Variants in PKLR observed in about 807,000 individuals in gnomAD.
PKLR encodes the protein pyruvate kinase L/R.
In PKLR, 38 loss-of-function variants were observed where a neutral mutation model predicts 53.6. The ratio of observed to expected loss-of-function variants is 0.71; its 90% CI spans 0.55 to 0.93. PKLR has a LOEUF of 0.93. Among genes scored for constraint, PKLR ranks in the 40% least tolerant of loss-of-function variants. The probability of loss-of-function intolerance (pLI) is 0.00; values close to 1 mark genes in which losing one functional copy is unlikely to be tolerated. For missense variants in PKLR, 702 were observed against 787.3 expected, an observed-to-expected ratio of 0.89 and a Z score of 1.30; for synonymous variants, 328 against 316.2, an observed-to-expected ratio of 1.04 and a Z score of -0.39.
At chr1:155,294,855 GTCC>G in intron 5 of PKLR, 103 bp from the exon 6 acceptor site, 1 of 1,401,562 alleles carries the variant, frequency 7.1e-7, no homozygotes, top group South Asian at 1.2e-5. Flanking sequence ...CAGGAACCAT[GTCC>G]TCCTCATCTC....
chr1:155,299,002 CTTTCTTT>C (rs1647791798), intron 2 of PKLR, among the ~76,000 whole-genome samples: 1 of 100,868 alleles, frequency 9.9e-6, no homozygotes, highest in East Asian at 5.1e-4. Context: ...TTCTTTCTTT[CTTTCTTT>C]CTTTCTTTCT....
rs1647479362 is a variant in PKLR at position 155,295,050 on chromosome 1, G to C, written c.694+66C>G. 1.3e-6 allele frequency: 2 copies of C among 1,546,330 alleles called. No individual in the cohort carries two copies. The highest frequency in any genetic ancestry group is 1.8e-6 in the Non-Finnish European group (2 of 1,127,934). ...GTGTGATCGGTCTGAGGGCTGATGGGGGAGCCAAGGAGAAGGGAATGTGCC... is the reference window on the plus strand; with the variant it reads ...GTGTGATCGGTCTGAGGGCTGATGGCGGAGCCAAGGAGAAGGGAATGTGCC... On this transcript the variant is annotated intron_variant, in intron 5 of 10. Coordinates refer to ENST00000342741, the MANE Select transcript of PKLR (RefSeq NM_000298.6). The surrounding 1 kb of genome is among the most constrained non-coding windows in gnomAD (Gnocchi z 4.3).
the PKLR span, among the ~76,000 whole-genome samples, chr1:155,307,648 G>A: frequency 1.3e-5 from 2 of 152,310 alleles, no homozygotes; most frequent in East Asian, 3.9e-4. Flanking sequence ...ACAAAGCAGA[G>A]GCATGAATAA....
At position 155,295,844 on chromosome 1, in the gene PKLR, C is replaced by T; in HGVS notation, c.284-88G>A. On this transcript the variant is annotated intron_variant, in intron 2 of 10. Transcript: ENST00000342741. The surrounding 1 kb of genome is among the most constrained non-coding windows in gnomAD (Gnocchi z 4.3). ...ACCCATTACCATTCTCAGAACGCCT[C>T]ACGCCACAGGCGTCCTGTTACCTGA... 9.0e-7 allele frequency: 1 copy of T among 1,114,340 alleles called. No individual in the cohort carries two copies. Among genetic ancestry groups the T allele is most frequent in the Non-Finnish European group, 1.4e-6 (1 of 732,390 alleles). 69.0% of individuals were successfully genotyped at this position (1,114,340 alleles called of 1,614,324 possible). A position where few individuals can be genotyped will look rare whatever the true frequency, so the allele number is the denominator to read the frequency against.
the PKLR span, among the ~76,000 whole-genome samples, chr1:155,306,505 C>G: frequency 6.6e-6 from 1 of 152,142 alleles, no homozygotes; most frequent in African/African-American, 2.4e-5. This position sits in a 1 kb window ranked among gnomAD's most constrained non-coding sequence, Gnocchi z 4.2. Flanking sequence ...GAACTGTGCT[C>G]AGCACACAGA....
chr1:155,298,378 G>C (rs536186171), intron 2 of PKLR, among the ~76,000 whole-genome samples: 4 of 150,300 alleles, frequency 2.7e-5, no homozygotes, highest in Admixed American at 6.7e-5. Context: ...GCCCAGGCTG[G>C]GGTGCAATGG....
intron 2 of PKLR, 137 bp downstream of exon 2, chr1:155,299,961 C>T (rs1161702578): frequency 1.1e-6 from 1 of 878,980 alleles, no homozygotes; most frequent in Admixed American, 2.0e-5. Context: ...ATCTTGTCTA[C>T]TATATGCTCA....
At chr1:155,304,434 CAAAAAAA>C (rs61510118), upstream of PKLR, among the ~76,000 whole-genome samples, 1 of 62,222 alleles carries the variant, frequency 1.6e-5, no homozygotes, top group African/African-American at 6.6e-5. Context: ...AACTGCGTCT[CAAAAAAA>C]AAAAAAAAAA....
intron 9 of PKLR, among the ~76,000 whole-genome samples, chr1:155,292,937 C>A (rs1000430487): frequency 2.0e-5 from 3 of 152,142 alleles, no homozygotes; most frequent in Non-Finnish European, 2.9e-5. Context: ...TGCCTCTGAG[C>A]CCCAGAAGCC....
upstream of PKLR, chr1:155,301,499 A>G: frequency 2.0e-6 from 3 of 1,496,974 alleles, no homozygotes; most frequent in East Asian, 4.6e-5. Context: ...AAAGGGGCAC[A>G]CCCAGTAGGC....
At position 155,290,593 on chromosome 1, in the gene PKLR, C is replaced by T. The variant is rs777435169; in HGVS notation, c.1704G>A (p.Met568Ile). 2.5e-6 allele frequency: 4 copies of T among 1,611,120 alleles called. No homozygotes were observed. Among genetic ancestry groups the T allele is most frequent in the Non-Finnish European group, 2.5e-6 (3 of 1,177,478 alleles). Reference sequence around the variant, plus strand: ...CGTCTCAGGATATGCTTAGCACCCGCATGATGTTGGTGTAGCCGGAGCCAG... The same window carrying T: ...CGTCTCAGGATATGCTTAGCACCCGTATGATGTTGGTGTAGCCGGAGCCAG... ...WRPGSGYTNIMRVLSIS is the reference protein window; with the variant it reads ...WRPGSGYTNIIRVLSIS The change falls in exon 11 of 11, where the codon ATG becomes ATA. Residue 568 changes from methionine to isoleucine, a missense_variant. Transcript: ENST00000342741.
Position 155,291,884 on chromosome 1 carries a change from G to T in PKLR, c.1490C>A (p.Thr497Asn), listed in dbSNP as rs1168559609. ...YRPRAAVIAVTRSAQAARQVH... is the reference protein window; with the variant it reads ...YRPRAAVIAVNRSAQAARQVH... ...CTGGCGGGCAGCCTGGGCAGAGCGG[G>T]TGACAGCAATGACTGCTGCCCGAGG... is the stretch of plus-strand genomic sequence containing the variant. Residue 497 changes from threonine to asparagine, a missense_variant, in exon 10 of 11, where the codon ACC becomes AAC. Thr to Asn is a moderately conservative substitution (Grantham distance 65). Coordinates refer to ENST00000342741, the MANE Select transcript of PKLR (RefSeq NM_000298.6). 3 of 1,613,854 alleles carry T rather than the reference G, an allele frequency of 1.9e-6. No homozygotes were observed. Among genetic ancestry groups the T allele is most frequent in the Non-Finnish European group, 2.5e-6 (3 of 1,180,014 alleles).
chr1:155,303,193 G>T (rs1255069796), upstream of PKLR, among the ~76,000 whole-genome samples: 1 of 152,202 alleles, frequency 6.6e-6, no homozygotes, highest in African/African-American at 2.4e-5. Flanking sequence ...GGCATTTAGT[G>T]CTTCATTCAC....
At chr1:155,297,078 T>C (rs1392316911) in intron 2 of PKLR, among the ~76,000 whole-genome samples, 4 of 152,178 alleles carry the variant, frequency 2.6e-5, no homozygotes, top group Non-Finnish European at 5.9e-5. Flanking sequence ...CTCCTTTCCT[T>C]GTTCCTCCCC....
At position 155,295,611 on chromosome 1, in the gene PKLR, A is replaced by G. The variant is rs756378131; in HGVS notation, c.376-43T>C. The G allele has an allele frequency of 8.1e-6, 13 of 1,613,894 alleles. No individual in the cohort carries two copies. Among genetic ancestry groups the G allele is most frequent in the South Asian group, 6.6e-5 (6 of 91,074 alleles). On this transcript the variant is annotated intron_variant, in intron 3 of 10. Transcript: ENST00000342741. This position sits in a 1 kb window ranked among gnomAD's most constrained non-coding sequence, Gnocchi z 4.3. The stretch of plus-strand genomic sequence containing the variant: ...GCGAGGGTTTCAGGGGAAGGTGGCC[A>G]GGACCTCGAGGCATCCTCCTGCCCC...
intron 7 of PKLR, among the ~76,000 whole-genome samples, 158 bp downstream of exon 7, chr1:155,294,077 G>C (rs1647391109): frequency 6.6e-6 from 1 of 152,212 alleles, no homozygotes; most frequent in African/African-American, 2.4e-5. Context: ...AGGTTGCAGT[G>C]AGCGGAGATT....
At chr1:155,297,395 TCA>T (rs1482246518) in intron 2 of PKLR, among the ~76,000 whole-genome samples, 2 of 151,956 alleles carry the variant, frequency 1.3e-5, no homozygotes, top group South Asian at 2.1e-4. Flanking sequence ...GGCAAAAACC[TCA>T]GAGTCACCTG....
chr1:155,301,266 T>TGTTC, intron 1 of PKLR, 30 bp downstream of exon 1: 2 of 1,612,896 alleles, frequency 1.2e-6, no homozygotes, highest in Non-Finnish European at 1.7e-6. Context: ...TTTCCTCCTA[T>TGTTC]GTTCCATGGC....
chr1:155,298,625 C>T, intron 2 of PKLR, among the ~76,000 whole-genome samples: 1 of 149,098 alleles, frequency 6.7e-6, no homozygotes, highest in East Asian at 2.0e-4. Flanking sequence ...CCGCGCCCAG[C>T]TTTTTTTTCT....
Sources: allele counts gnomAD v4.1 joint callset (sites outside exome capture counted in the v4.1 genomes callset), GRCh38; gene constraint gnomAD v4.1.1; non-coding constraint Gnocchi (gnomAD v3.1); transcripts MANE v1.5; gene names NCBI Gene and HGNC (gene_info 2026-07-23, HGNC 2026-07-21).